TENM1: variants seen among roughly 807,000 people sequenced by gnomAD.
The protein encoded by TENM1 is teneurin transmembrane protein 1.
Under a neutral mutation model 174.8 loss-of-function variants are expected in TENM1, and 35 were observed. That is an observed-to-expected ratio of 0.20 (90% CI 0.15 to 0.27). The LOEUF (loss-of-function observed/expected upper bound fraction) is 0.27, where lower values mean the gene tolerates loss of function less well. TENM1 is among the 10% of genes least tolerant of loss of function. The pLI, the probability that TENM1 is intolerant of heterozygous loss-of-function variation, is 1.00. For synonymous variants in TENM1, 781 were observed against 798.7 expected, an observed-to-expected ratio of 0.98 and a Z score of 0.37; for missense variants, 1,633 against 2,130.1, an observed-to-expected ratio of 0.77 and a Z score of 4.59.
intron 18 of TENM1, among the ~76,000 whole-genome samples, chrX:124,506,854 C>G (rs1338602687): frequency 8.9e-6 from 1 of 111,875 alleles, no homozygotes; most frequent in Admixed American, 9.5e-5. Flanking sequence ...CTATAATGCA[C>G]TAAATGCCTA....
chrX:124,525,035 C>T (rs914993969), intron 16 of TENM1, among the ~76,000 whole-genome samples: 3 of 111,741 alleles, frequency 2.7e-5, no homozygotes, highest in South Asian at 3.7e-4. Flanking sequence ...CGATAAAAAG[C>T]CCTGATAGGG....
chrX:124,746,911 T>G (rs1352937209), intron 3 of TENM1, among the ~76,000 whole-genome samples: 1 of 110,948 alleles, frequency 9.0e-6, no homozygotes, highest in Non-Finnish European at 1.9e-5. Context: ...GTGGATCACC[T>G]GAGGTCAGGA....
At chrX:125,134,640 A>G in the TENM1 span, among the ~76,000 whole-genome samples, 1 of 112,083 alleles carries the variant, frequency 8.9e-6, no homozygotes, top group Admixed American at 9.4e-5. Flanking sequence ...CTCCAAGATC[A>G]TGCATCATTC....
At chrX:125,113,272 C>G in the TENM1 span, among the ~76,000 whole-genome samples, 1 of 111,111 alleles carries the variant, frequency 9.0e-6, no homozygotes, top group Admixed American at 9.7e-5. Flanking sequence ...AAAGCTAAAA[C>G]TATAAAACTA....
chrX:124,570,435 T>C (rs1288205713), intron 11 of TENM1, among the ~76,000 whole-genome samples: 1 of 111,564 alleles, frequency 9.0e-6, no homozygotes, highest in African/African-American at 3.2e-5. Context: ...ATCTCATTCA[T>C]GGATACAAAA....
the TENM1 span, among the ~76,000 whole-genome samples, chrX:125,016,251 T>C: frequency 9.0e-6 from 1 of 111,178 alleles, no homozygotes; most frequent in Non-Finnish European, 1.9e-5. Flanking sequence ...GGTATTCAAA[T>C]AGGAAGAGAG....
At chrX:124,672,416 T>C (rs1234875302) in intron 5 of TENM1, among the ~76,000 whole-genome samples, 1 of 111,399 alleles carries the variant, frequency 9.0e-6, no homozygotes, top group Non-Finnish European at 1.9e-5. Context: ...AGGTTTAAAC[T>C]GCTATCAGAA....
At chrX:125,001,888 C>CAG in the TENM1 span, among the ~76,000 whole-genome samples, 2 of 98,522 alleles carry the variant, frequency 2.0e-5, no homozygotes, top group Non-Finnish European at 4.1e-5. Context: ...CACACACACA[C>CAG]AGCTCTCTCT....
At chrX:124,806,156 C>A (rs1333058877) in intron 3 of TENM1, among the ~76,000 whole-genome samples, 1 of 110,406 alleles carries the variant, frequency 9.1e-6, no homozygotes, top group African/African-American at 3.3e-5. Flanking sequence ...AAAGATAAAT[C>A]CTGGGGCTGA....
At chrX:124,942,563 T>A (rs1223038434) in intron 1 of TENM1, among the ~76,000 whole-genome samples, 1 of 111,843 alleles carries the variant, frequency 8.9e-6, no homozygotes, top group African/African-American at 3.2e-5. Context: ...TAACAGGAAG[T>A]CACTGAATAC....
chrX:125,176,927 G>C, the TENM1 span, among the ~76,000 whole-genome samples: 4 of 111,610 alleles, frequency 3.6e-5, no homozygotes, highest in Non-Finnish European at 7.6e-5. Flanking sequence ...ACATTTTCCA[G>C]TATGTAGATG....
intron 14 of TENM1, among the ~76,000 whole-genome samples, chrX:124,547,572 A>G (rs2048460240): frequency 8.9e-6 from 1 of 112,022 alleles, no homozygotes; most frequent in African/African-American, 3.2e-5. Context: ...AATGCTCAAA[A>G]TAGAGGTTGG....
At chrX:124,576,792 A>C (rs2858423) in intron 11 of TENM1, among the ~76,000 whole-genome samples, 28,166 of 110,800 alleles carry the variant, frequency 0.25, 2,752 homozygotes, top group South Asian at 0.4. Context: ...TCTCCCTTTT[A>C]TGAATGATAT....
chrX:124,967,989 T>C (rs983571189), upstream of TENM1, among the ~76,000 whole-genome samples: 4 of 111,997 alleles, frequency 3.6e-5, no homozygotes, highest in Non-Finnish European at 7.5e-5. Context: ...ACAAGGGTAG[T>C]TGCATTATTA....
chrX:125,010,859 G>C, the TENM1 span, among the ~76,000 whole-genome samples: 1 of 102,961 alleles, frequency 9.7e-6, no homozygotes, highest in Non-Finnish European at 2.0e-5. Flanking sequence ...AACCGAAAAA[G>C]AGGCCATATA....
the TENM1 span, among the ~76,000 whole-genome samples, chrX:125,104,415 T>C: frequency 2.3e-4 from 26 of 112,224 alleles, no homozygotes; most frequent in Admixed American, 1.1e-3. Context: ...GATTTACATG[T>C]AGCACACCAC....
the TENM1 span, among the ~76,000 whole-genome samples, chrX:124,982,023 T>C: frequency 1.5e-5 from 1 of 67,925 alleles, no homozygotes; most frequent in Admixed American, 1.4e-4. Flanking sequence ...TAGCAGCGTG[T>C]GGTAGCGTGA....
At chrX:124,588,767 G>C (rs1030823173) in intron 11 of TENM1, among the ~76,000 whole-genome samples, 7 of 111,864 alleles carry the variant, frequency 6.3e-5, no homozygotes, top group Non-Finnish European at 1.3e-4. Context: ...AAACTTTACT[G>C]AAGTCCTGTA....
chrX:124,471,303 ATATATAGTAC>A lies in TENM1; in HGVS notation c.3949+10419_3949+10428del, dbSNP rs1170050919. Among the ~76,000 whole-genome samples the A allele has an allele frequency of 9.7e-3, 446 of 45,976 alleles. 20 individuals carry two copies. Among genetic ancestry groups the A allele is most frequent in the Non-Finnish European group, 0.013 (387 of 29,902 alleles). 39.9% of individuals were successfully genotyped at this position (45,976 alleles called of 115,157 possible). A position where few individuals can be genotyped will look rare whatever the true frequency, so the allele number is the denominator to read the frequency against. On this transcript the variant is annotated intron_variant, in intron 22 of 31. Transcript: ENST00000422452. ...ATAATATATAGTACTATATATTATAATATATAGTACTATATATTATAATATATAGTACTAT... is the reference window on the plus strand; with the variant it reads ...ATAATATATAGTACTATATATTATAATATATATTATAATATATAGTACTAT...
Sources: allele counts gnomAD v4.1 joint callset (sites outside exome capture counted in the v4.1 genomes callset), GRCh38; gene constraint gnomAD v4.1.1; transcripts MANE v1.5; gene names NCBI Gene and HGNC (gene_info 2026-07-23, HGNC 2026-07-21).